GDA: variants seen among roughly 807,000 people sequenced by gnomAD.
GDA encodes cytoplasmic PSD-95 interactor.
In GDA, 18 loss-of-function variants were observed where a neutral mutation model predicts 59.6. The observed-to-expected ratio is 0.30, with a 90% CI of 0.21 to 0.45. The LOEUF (loss-of-function observed/expected upper bound fraction) is 0.45, where lower values mean the gene tolerates loss of function less well. Among genes scored for constraint, GDA ranks in the 20% least tolerant of loss-of-function variants. The pLI is 1.00. For missense variants in GDA, 427 were observed against 552.3 expected (o/e 0.77, Z 2.27); for synonymous variants, 201 against 201.1 (o/e 1.00, Z 0.00).
chr9:72,194,264 A>G (rs1832894651), intron 1 of GDA: 1 of 152,150 alleles, frequency 6.6e-6, no homozygotes, highest in African/African-American at 2.4e-5. Flanking sequence ...CAAGGCCCTC[A>G]ACATAGTACC....
chr9:72,155,088 A>G (rs1827735267), intron 1 of GDA, among the ~76,000 whole-genome samples: 1 of 152,228 alleles, frequency 6.6e-6, no homozygotes, highest in African/African-American at 2.4e-5. Context: ...TTAAGTAGGT[A>G]TATTAGTCAA....
intron 1 of GDA, among the ~76,000 whole-genome samples, chr9:72,157,944 A>G (rs1828123450): frequency 6.6e-6 from 1 of 152,156 alleles, no homozygotes; most frequent in Non-Finnish European, 1.5e-5. Context: ...CCAGCACATC[A>G]TGTCCTTTTA....
At chr9:72,169,286 T>C (rs970572462) in intron 1 of GDA, among the ~76,000 whole-genome samples, 1 of 152,184 alleles carries the variant, frequency 6.6e-6, no homozygotes, top group African/African-American at 2.4e-5. Context: ...GTAGGTGGGC[T>C]TGTTCTGAGT....
chr9:72,241,220 C>T lies in GDA; in HGVS notation c.1057C>T (p.Leu353Phe), dbSNP rs1210696523. 5.6e-6 allele frequency: 9 copies of T among 1,609,328 alleles called. No homozygotes were observed. The highest frequency in any genetic ancestry group is 1.7e-5 in the Admixed American group (1 of 59,974). ...AAGAGCAGTGATGGTTTCCAATATC[C>T]TTTTAATTAATAAGGTAAATGAGAA... ...IRRAVMVSNILLINKVNEKSL... is the reference protein window; with the variant it reads ...IRRAVMVSNIFLINKVNEKSL... Residue 353 changes from leucine (L) to phenylalanine (F), a missense_variant, in exon 11 of 14, where the codon CTT becomes TTT. Leu to Phe is a conservative substitution (Grantham distance 22, BLOSUM62 0). Coordinates refer to ENST00000358399, the MANE Select transcript of GDA (RefSeq NM_004293.5).
At chr9:72,135,898 A>G (rs1826208131) in intron 1 of GDA, among the ~76,000 whole-genome samples, 1 of 152,016 alleles carries the variant, frequency 6.6e-6, no homozygotes, top group South Asian at 2.1e-4. Flanking sequence ...GGCATGAGCC[A>G]CCACGCGGGG....
chr9:72,168,390 C>CTTTTTTTT (rs77778231), intron 1 of GDA, among the ~76,000 whole-genome samples: 9 of 105,868 alleles, frequency 8.5e-5, no homozygotes, highest in Non-Finnish European at 1.5e-4. Context: ...GAGACTTTGT[C>CTTTTTTTT]TTTTTTTTTT....
chr9:72,240,068 T>C (rs1839443175), intron 10 of GDA, among the ~76,000 whole-genome samples: 1 of 152,186 alleles, frequency 6.6e-6, no homozygotes, highest in Non-Finnish European at 1.5e-5. Context: ...AATTTATTTA[T>C]ACAAACTCAC....
intron 1 of GDA, among the ~76,000 whole-genome samples, chr9:72,175,909 T>C (rs1419987112): frequency 6.6e-6 from 1 of 152,188 alleles, no homozygotes; most frequent in Non-Finnish European, 1.5e-5. Context: ...AAGACTGCAA[T>C]GTAACCTCAG....
chr9:72,215,781 T>C (rs1836031156), intron 5 of GDA, among the ~76,000 whole-genome samples: 1 of 152,192 alleles, frequency 6.6e-6, no homozygotes, highest in African/African-American at 2.4e-5. Flanking sequence ...TTTGGAAAGA[T>C]TTCCACCTCA....
rs760925373 is a variant in GDA, at chr9:72,225,744, A to G, written c.782A>G (p.Tyr261Cys). Residue 261 changes from tyrosine to cysteine, a missense_variant, in exon 8 of 14, where the codon TAC becomes TGC. Coordinates refer to ENST00000358399, the MANE Select transcript of GDA (RefSeq NM_004293.5). ...AACTTATACCCCAGTTATAAAAACT[A>G]CACATCTGTGTATGATAAAAACAAT... ...VKNLYPSYKN[Y>C]TSVYDKNNLL... 4 of 1,529,530 alleles carry G rather than the reference A, an allele frequency of 2.6e-6. No homozygotes were observed. Among genetic ancestry groups the G allele is most frequent in the Middle Eastern group, 1.7e-4 (1 of 5,902 alleles). 94.7% of individuals were successfully genotyped at this position (1,529,530 alleles called of 1,614,324 possible).
At chr9:72,146,358 T>C (rs1826632957), upstream of GDA, among the ~76,000 whole-genome samples, 2 of 152,080 alleles carry the variant, frequency 1.3e-5, no homozygotes, top group African/African-American at 4.8e-5. Context: ...GCACTAATGA[T>C]GCTTGGGCTG....
At chr9:72,136,687 C>T (rs969571545) in intron 1 of GDA, among the ~76,000 whole-genome samples, 17 of 152,068 alleles carry the variant, frequency 1.1e-4, no homozygotes, top group African/African-American at 3.9e-4. Context: ...TTAAAATATA[C>T]ATATGAGGCT....
Position 72,250,627 on chromosome 9 carries a change from A to T in GDA, c.*2285A>T. Reference sequence around the variant, plus strand: ...AGGCATTATCTATACCTGGGGCCAGATTTTCTGCACTTTGAAATGTTGCCT... The same window carrying T: ...AGGCATTATCTATACCTGGGGCCAGTTTTTCTGCACTTTGAAATGTTGCCT... On this transcript the variant is annotated 3_prime_UTR_variant, in exon 14 of 14. Transcript: ENST00000358399. 6.3e-7 allele frequency: 1 copy of T among 1,587,122 alleles called. No homozygotes were observed. Among genetic ancestry groups the T allele is most frequent in the Non-Finnish European group, 8.5e-7 (1 of 1,170,766 alleles).
At chr9:72,246,403 C>T (rs2131842661) in intron 12 of GDA, among the ~76,000 whole-genome samples, 1 of 152,356 alleles carries the variant, frequency 6.6e-6, no homozygotes, top group Non-Finnish European at 1.5e-5. Flanking sequence ...CTGCCTTGGC[C>T]TCCCAAAGTG....
chr9:72,232,241 A>G (rs1369670823), intron 10 of GDA, among the ~76,000 whole-genome samples: 3 of 152,204 alleles, frequency 2.0e-5, no homozygotes, highest in African/African-American at 4.8e-5. Context: ...GGCTGTATGC[A>G]TGTTGACACT....
At chr9:72,227,010 C>T (rs564091504) in intron 8 of GDA, among the ~76,000 whole-genome samples, 28 of 151,982 alleles carry the variant, frequency 1.8e-4, no homozygotes, top group Admixed American at 1.4e-3. Flanking sequence ...CCCAGCTACT[C>T]GGGAAGCTGA....
intron 8 of GDA, among the ~76,000 whole-genome samples, chr9:72,226,580 G>A (rs1837616143): frequency 6.6e-6 from 1 of 152,138 alleles, no homozygotes. Context: ...CTTGGCCTTG[G>A]CCTTCAATGA....
chr9:72,134,620 C>T (rs1469394264), intron 1 of GDA, among the ~76,000 whole-genome samples: 1 of 151,968 alleles, frequency 6.6e-6, no homozygotes, highest in Non-Finnish European at 1.5e-5. Context: ...GTCAGGCTGG[C>T]CTGGAACTCC....
At chr9:72,256,634 C>G (rs1457388374), downstream of GDA, among the ~76,000 whole-genome samples, 1 of 152,170 alleles carries the variant, frequency 6.6e-6, no homozygotes, top group Non-Finnish European at 1.5e-5. Context: ...AGCAGCTCAT[C>G]ATAAAGACTT....
Sources: gnomAD v4.1 joint callset for allele counts (sites outside exome capture counted in the v4.1 genomes callset) on GRCh38, gnomAD v4.1.1 for gene constraint, MANE v1.5 for transcripts, NCBI Gene and HGNC (gene_info 2026-07-23, HGNC 2026-07-21) for gene names.